GALP: variants seen among roughly 807,000 people sequenced by gnomAD.
The protein encoded by GALP is galanin-like peptide.
Under a neutral mutation model 15.2 loss-of-function variants are expected in GALP, and 12 were observed. The ratio of observed to expected loss-of-function variants is 0.79; its 90% confidence interval spans 0.51 to 1.28. The LOEUF is 1.28. GALP is among the 50% of genes most tolerant of loss of function. The probability of loss-of-function intolerance (pLI) is 0.00; values close to 1 mark genes in which losing one functional copy is unlikely to be tolerated. For missense variants in GALP, 161 were observed against 145.6 expected, an observed-to-expected ratio of 1.11 and a Z score of -0.55; for synonymous variants, 58 against 55.1, an observed-to-expected ratio of 1.05 and a Z score of -0.23.
chr19:56,176,027 CAG>C lies in GALP; in HGVS notation c.-68_-67del, dbSNP rs1306539398. ...GAGTCCAGGCGCTGGAGCGAGGAGC[CAG>C]AGAGAGCTGCGGAGAGCTGCCAGCT... is the stretch of plus-strand genomic sequence containing the variant. On this transcript the variant is annotated 5_prime_UTR_variant, in exon 1 of 6. Coordinates refer to ENST00000357330, the MANE Select transcript of GALP (RefSeq NM_033106.4). The C allele has an allele frequency of 5.7e-6, 1 of 175,526 alleles. No homozygotes were observed. The highest frequency in any genetic ancestry group is 1.9e-4 in the East Asian group (1 of 5,238). The allele number at this position is 175,526 out of a possible 1,614,324, so 10.9% of individuals were successfully genotyped here. A position where few individuals can be genotyped will look rare whatever the true frequency, so the allele number is the denominator to read the frequency against.
At chr19:56,176,396 A>C (rs12978815) in intron 1 of GALP, among the ~76,000 whole-genome samples, 2 of 68,436 alleles carry the variant, frequency 2.9e-5, no homozygotes, top group Admixed American at 1.9e-4. Context: ...AGAGGGGCGG[A>C]TCCCAGCTGC....
intron 1 of GALP, among the ~76,000 whole-genome samples, chr19:56,176,807 A>G (rs1460390195): frequency 7.2e-6 from 1 of 139,334 alleles, no homozygotes; most frequent in East Asian, 3.0e-4. Flanking sequence ...AAGGGGACGG[A>G]AAGGTTTGAA....
At chr19:56,183,067 T>G in intron 4 of GALP, 68 bp from the exon 5 acceptor site, 1 of 1,097,956 alleles carries the variant, frequency 9.1e-7, no homozygotes, top group Non-Finnish European at 1.4e-6. Flanking sequence ...TGTGTCTGTG[T>G]GTTCTCATCG....
At chr19:56,181,447 A>G (rs992796345) in intron 3 of GALP, among the ~76,000 whole-genome samples, 9 of 105,586 alleles carry the variant, frequency 8.5e-5, no homozygotes. Context: ...CTTGTTATCT[A>G]GGCTGGAGTG....
At position 56,183,190 on chromosome 19, in the gene GALP, G is replaced by C; in HGVS notation, c.273G>C (p.Thr91=). 6.2e-7 allele frequency: 1 copy of C among 1,613,858 alleles called. No individual in the cohort carries two copies. The highest frequency in any genetic ancestry group is 8.5e-7 in the Non-Finnish European group (1 of 1,179,796). The change falls in exon 5 of 6, where the codon ACG becomes ACC. Residue 91 remains threonine, a synonymous_variant. Transcript: ENST00000357330. ...PQPSKRNVME[T]FAKPEIGDLG... ...CCTCCAAGAGGAATGTGATGGAGAC[G>C]TTTGCCAAACCAGAGATTGGAGGTA...
chr19:56,182,032 G>C, intron 3 of GALP, 140 bp from the exon 4 acceptor site: 1 of 666,682 alleles, frequency 1.5e-6, no homozygotes, highest in Admixed American at 2.3e-5. Flanking sequence ...GGTAGGTAGG[G>C]ACGGTCAACA....
At chr19:56,184,484 C>CT (rs11414322) in intron 5 of GALP, among the ~76,000 whole-genome samples, 65,662 of 117,342 alleles carry the variant, frequency 0.56, 19,680 homozygotes, top group African/African-American at 0.64. Context: ...TTTTCTTTTT[C>CT]TTTTTTTTTT....
In GALP at chr19:56,185,249, G is replaced by T. The variant is rs770989809; in HGVS notation, c.330G>T (p.Glu110Asp). The change falls in exon 6 of 6, where the codon GAG becomes GAT. Residue 110 changes from glutamate to aspartate, a missense_variant. Coordinates refer to ENST00000357330, the MANE Select transcript of GALP (RefSeq NM_033106.4). ...LGMLSMKIPK[E>D]EDVLKS ...TGCTCAGCATGAAAATTCCCAAGGA[G>T]GAAGATGTCCTGAAGTCATAGATGT... 1.2e-6 allele frequency: 2 copies of T among 1,608,098 alleles called. No individual in the cohort carries two copies. Among genetic ancestry groups the T allele is most frequent in the Non-Finnish European group, 1.7e-6 (2 of 1,175,280 alleles).
In GALP at chr19:56,178,738, C is replaced by T. The variant is rs144772758; in HGVS notation, c.87+1543C>T. ...TAATGGCTGTGGAGGGTTTTCTCAG[C>T]GCTTGGCGTTGTGTGAAACCCGTGA... is the stretch of plus-strand genomic sequence containing the variant. On this transcript the variant is annotated intron_variant, in intron 2 of 5. Transcript: ENST00000357330. Among the ~76,000 whole-genome samples, 337 of 152,238 alleles carry T rather than the reference C, an allele frequency of 2.2e-3. 3 individuals carry two copies. Among genetic ancestry groups the T allele is most frequent in the African/African-American group, 7.4e-3 (308 of 41,540 alleles).
intron 2 of GALP, among the ~76,000 whole-genome samples, chr19:56,180,163 T>G (rs572147197): frequency 8.5e-5 from 13 of 152,322 alleles, no homozygotes; most frequent in African/African-American, 2.9e-4. Context: ...TCCTTCTGCT[T>G]CGGCCTCCCC....
At chr19:56,183,039 G>A (rs2032593364) in intron 4 of GALP, 96 bp from the exon 5 acceptor site, 3 of 840,294 alleles carry the variant, frequency 3.6e-6, no homozygotes, top group African/African-American at 1.7e-5. Flanking sequence ...AGGACCCAGT[G>A]TCTCTTGCTC....
intron 1 of GALP, among the ~76,000 whole-genome samples, chr19:56,176,409 C>G (rs1260285332): frequency 6.2e-5 from 5 of 80,986 alleles, no homozygotes; most frequent in South Asian, 9.7e-4. Context: ...CCAGCTGCAC[C>G]GGGGTGAGAG....
At chr19:56,180,924 T>C (rs1290823398) in intron 3 of GALP, among the ~76,000 whole-genome samples, 115 of 108,220 alleles carry the variant, frequency 1.1e-3, no homozygotes, top group African/African-American at 3.5e-3. Context: ...TCTTTTTTTT[T>C]TTTTTTTTTT....
At chr19:56,183,723 G>A (rs1266879580) in intron 5 of GALP, among the ~76,000 whole-genome samples, 3 of 152,058 alleles carry the variant, frequency 2.0e-5, no homozygotes, top group African/African-American at 7.2e-5. Context: ...TCAGCCTCCC[G>A]AGTAGCTGGG....
chr19:56,176,310 G>A (rs1437283419), intron 1 of GALP, among the ~76,000 whole-genome samples: 1 of 97,650 alleles, frequency 1.0e-5, no homozygotes, highest in Non-Finnish European at 2.0e-5. Flanking sequence ...CAGCTGCACC[G>A]GGGTGAGAGC....
At chr19:56,177,392 T>A (rs1018349724) in intron 2 of GALP, among the ~76,000 whole-genome samples, 197 bp downstream of exon 2, 1 of 151,382 alleles carries the variant, frequency 6.6e-6, no homozygotes, top group Non-Finnish European at 1.5e-5. Context: ...GTGCCTGTAG[T>A]CCCAGCTACT....
chr19:56,181,596 C>CG (rs1568578642), intron 3 of GALP, among the ~76,000 whole-genome samples: 2 of 151,668 alleles, frequency 1.3e-5, no homozygotes, highest in African/African-American at 4.8e-5. Context: ...TTAGTGGAGA[C>CG]GGGGTTTCTC....
chr19:56,178,981 C>G (rs1170610259), intron 2 of GALP, among the ~76,000 whole-genome samples: 2 of 152,152 alleles, frequency 1.3e-5, no homozygotes, highest in Non-Finnish European at 2.9e-5. Flanking sequence ...TTGAGACCAG[C>G]TTGGCCAACA....
chr19:56,183,827 A>AC (rs1249947564), intron 5 of GALP, among the ~76,000 whole-genome samples: 1 of 151,530 alleles, frequency 6.6e-6, no homozygotes, highest in East Asian at 1.9e-4. Flanking sequence ...TGAACTCCTG[A>AC]CTTCAGGTAA....
Sources: gnomAD v4.1 joint callset for allele counts (sites outside exome capture counted in the v4.1 genomes callset) on GRCh38, gnomAD v4.1.1 for gene constraint, MANE v1.5 for transcripts, NCBI Gene and HGNC (gene_info 2026-07-23, HGNC 2026-07-21) for gene names.